RBFOX1: variants seen among roughly 807,000 people sequenced by gnomAD.
RBFOX1 encodes the protein RNA binding fox-1 homolog 1.
RBFOX1 carries 8 observed loss-of-function variants against 57.7 expected under a neutral mutation model. The ratio of observed to expected loss-of-function variants is 0.14; its 90% CI spans 0.08 to 0.25. RBFOX1 has a LOEUF of 0.25. Among genes scored for constraint, RBFOX1 ranks in the 10% least tolerant of loss-of-function variants. RBFOX1 has a pLI of 1.00. For missense variants in RBFOX1, 611 were observed against 548.5 expected, an observed-to-expected ratio of 1.11 and a Z score of -1.14; for synonymous variants, 326 against 222.4, an observed-to-expected ratio of 1.47 and a Z score of -4.15.
chr16:7,477,001 G>T (rs1472767957), intron 4 of RBFOX1, among the ~76,000 whole-genome samples: 1 of 152,010 alleles, frequency 6.6e-6, no homozygotes, highest in Non-Finnish European at 1.5e-5. Flanking sequence ...TCCTTTCCTT[G>T]CTGGGAAGTG....
Position 7,523,036 on chromosome 16 carries a change from T to C in RBFOX1, c.270+4647T>C, listed in dbSNP as rs181477849. ...CAGGGAACCAGTGGGTCTGCTTCTTTTGCTATAGCTTAATTTGCAGTTTCT... is the reference window on the plus strand; with the variant it reads ...CAGGGAACCAGTGGGTCTGCTTCTTCTGCTATAGCTTAATTTGCAGTTTCT... On this transcript the variant is annotated intron_variant, in intron 5 of 15. Transcript: ENST00000550418. 1.2e-4 allele frequency among the ~76,000 whole-genome samples: 18 copies of C among 152,230 alleles called. 1 individual carries two copies. The highest frequency in any genetic ancestry group is 2.0e-4 in the Admixed American group (3 of 15,282).
chr16:6,615,700 A>C (rs971753233), intron 2 of RBFOX1, among the ~76,000 whole-genome samples: 1 of 152,176 alleles, frequency 6.6e-6, no homozygotes, highest in Non-Finnish European at 1.5e-5. Context: ...CCAGGAGAAC[A>C]TCAATGCAAA....
intron 3 of RBFOX1, among the ~76,000 whole-genome samples, chr16:5,804,752 C>G (rs757328425): frequency 6.6e-6 from 1 of 152,204 alleles, no homozygotes; most frequent in Non-Finnish European, 1.5e-5. Flanking sequence ...TGGCTGCTGC[C>G]TGGCCTTGAG....
At chr16:7,654,851 T>C (rs2065927122) in intron 12 of RBFOX1, among the ~76,000 whole-genome samples, 2 of 152,140 alleles carry the variant, frequency 1.3e-5, no homozygotes, top group South Asian at 4.1e-4. Flanking sequence ...ATGTCCTCTA[T>C]TGGGTAGAGT....
intron 2 of RBFOX1, among the ~76,000 whole-genome samples, chr16:6,350,979 A>C (rs1006020605): frequency 6.6e-6 from 1 of 152,188 alleles, no homozygotes; most frequent in African/African-American, 2.4e-5. Context: ...GACCACAGGC[A>C]GTGGGCACTT....
intron 3 of RBFOX1, among the ~76,000 whole-genome samples, chr16:6,745,087 A>G (rs1393744136): frequency 2.0e-5 from 3 of 152,080 alleles, no homozygotes; most frequent in Non-Finnish European, 4.4e-5. Context: ...TTAAGGGTGA[A>G]ATGGGTAAAT....
chr16:5,845,998 C>A (rs1190353820), intron 3 of RBFOX1, among the ~76,000 whole-genome samples: 1 of 151,968 alleles, frequency 6.6e-6, no homozygotes, highest in Non-Finnish European at 1.5e-5. Context: ...GATGGTGAAA[C>A]CCTATCTCTA....
In RBFOX1 at chr16:5,947,985, G is replaced by A. The variant is rs142869673; in HGVS notation, c.351+80650G>A. ...GATTGAATTCCCTTTTGACCGTGGC[G>A]CTGAGGACATATGTTCATACATTTT... On this transcript the variant is annotated intron_variant, in intron 4 of 19. Coordinates refer to the RBFOX1 transcript ENST00000641259. The surrounding 1 kb of genome is among the most constrained non-coding windows in gnomAD (Gnocchi z 7.2). 1.8e-4 allele frequency among the ~76,000 whole-genome samples: 28 copies of A among 152,290 alleles called. No homozygotes were observed. Among genetic ancestry groups the A allele is most frequent in the East Asian group, 9.7e-4 (5 of 5,176 alleles).
At chr16:5,605,393 G>A (rs1470440738) in intron 3 of RBFOX1, among the ~76,000 whole-genome samples, 1 of 152,202 alleles carries the variant, frequency 6.6e-6, no homozygotes, top group Non-Finnish European at 1.5e-5. Flanking sequence ...GGGAGTGGAG[G>A]TTAGACCCAG....
At chr16:5,398,062 C>T (rs1462588538) in intron 1 of RBFOX1, among the ~76,000 whole-genome samples, 2 of 149,026 alleles carry the variant, frequency 1.3e-5, no homozygotes, top group Non-Finnish European at 2.9e-5. Context: ...AGAAAAACCA[C>T]ACGGGGCTGT....
chr16:7,602,939 A>G (rs972961516), intron 9 of RBFOX1, among the ~76,000 whole-genome samples: 2 of 152,244 alleles, frequency 1.3e-5, no homozygotes, highest in African/African-American at 4.8e-5. Context: ...GAGGAACTTC[A>G]GAAACTGTAC....
intron 3 of RBFOX1, among the ~76,000 whole-genome samples, chr16:6,964,551 C>T (rs1379412430): frequency 1.3e-5 from 2 of 152,130 alleles, no homozygotes; most frequent in Admixed American, 6.6e-5. Flanking sequence ...TGTGTGGGGC[C>T]AGTGAGGGTA....
chr16:7,246,826 G>C (rs1387931778), intron 4 of RBFOX1, among the ~76,000 whole-genome samples: 1 of 152,022 alleles, frequency 6.6e-6, no homozygotes, highest in Non-Finnish European at 1.5e-5. Flanking sequence ...ACTGATCAAA[G>C]AGAGCTACAG....
intron 2 of RBFOX1, among the ~76,000 whole-genome samples, chr16:5,566,703 T>C (rs1312101558): frequency 6.6e-6 from 1 of 151,778 alleles, no homozygotes; most frequent in Non-Finnish European, 1.5e-5. Context: ...TACACATATA[T>C]AGATATATCC....
At chr16:7,690,698 T>C (rs1478526755) in intron 14 of RBFOX1, among the ~76,000 whole-genome samples, 1 of 152,068 alleles carries the variant, frequency 6.6e-6, no homozygotes, top group Non-Finnish European at 1.5e-5. Context: ...TGTTTGGATA[T>C]AGCGGAGACA....
At chr16:6,595,364 A>G (rs1245034879) in intron 2 of RBFOX1, among the ~76,000 whole-genome samples, 1 of 152,204 alleles carries the variant, frequency 6.6e-6, no homozygotes, top group African/African-American at 2.4e-5. Flanking sequence ...TTCAAGGGCC[A>G]TCAATGTTGT....
chr16:5,724,773 G>T lies in RBFOX1; in HGVS notation c.318+125812G>T, dbSNP rs186974283. Among the ~76,000 whole-genome samples the T allele has an allele frequency of 8.3e-4, 126 of 152,216 alleles. 1 individual carries two copies. Among genetic ancestry groups the T allele is most frequent in the Non-Finnish European group, 1.4e-3 (94 of 67,998 alleles). On this transcript the variant is annotated intron_variant, in intron 3 of 19. Coordinates refer to the RBFOX1 transcript ENST00000641259. ...CTACCAAGTACCTGGCACCATACTG[G>T]GTGCTTATATTCTTCTCCTTGTTGG...
At chr16:7,362,400 T>C (rs1041240816) in intron 4 of RBFOX1, among the ~76,000 whole-genome samples, 1 of 151,866 alleles carries the variant, frequency 6.6e-6, no homozygotes, top group Non-Finnish European at 1.5e-5. Flanking sequence ...TGTGTGATTG[T>C]GTGTATATGT....
At chr16:7,028,020 G>C (rs2041501688) in intron 3 of RBFOX1, among the ~76,000 whole-genome samples, 1 of 152,038 alleles carries the variant, frequency 6.6e-6, no homozygotes, top group Non-Finnish European at 1.5e-5. Context: ...GAGAAGGAAA[G>C]AAAGGAAGCC....
Sources: allele counts gnomAD v4.1 joint callset (sites outside exome capture counted in the v4.1 genomes callset), GRCh38; gene constraint gnomAD v4.1.1; non-coding constraint Gnocchi (gnomAD v3.1); transcripts MANE v1.5; gene names NCBI Gene and HGNC (gene_info 2026-07-23, HGNC 2026-07-21).